ZNF516: variants seen among roughly 807,000 people sequenced by gnomAD.
ZNF516 encodes zinc finger protein 516.
In ZNF516, 19 loss-of-function variants were observed where a neutral mutation model predicts 79.7. The observed-to-expected ratio is 0.24, with a 90% CI of 0.17 to 0.35. The LOEUF (loss-of-function observed/expected upper bound fraction) is 0.35, where lower values mean the gene tolerates loss of function less well. Among genes scored for constraint, ZNF516 ranks in the 10% least tolerant of loss-of-function variants. The pLI is 1.00. For synonymous variants in ZNF516, 877 were observed against 739.5 expected (o/e 1.19, Z -3.02); for missense variants, 1,678 against 1,679.5 (o/e 1.00, Z 0.02).
intron 1 of ZNF516, among the ~76,000 whole-genome samples, chr18:76,463,724 C>T (rs535514891): frequency 7.2e-5 from 11 of 152,352 alleles, no homozygotes; most frequent in African/African-American, 2.6e-4. Flanking sequence ...ATCGGTGTCC[C>T]ACTTATACCT....
At chr18:76,385,129 G>A (rs1007609198) in intron 3 of ZNF516, among the ~76,000 whole-genome samples, 3 of 152,238 alleles carry the variant, frequency 2.0e-5, no homozygotes, top group South Asian at 2.1e-4. Flanking sequence ...GTGCACACGC[G>A]TGCCACAGAC....
At chr18:76,410,541 G>A (rs2075362371) in intron 3 of ZNF516, among the ~76,000 whole-genome samples, 1 of 152,188 alleles carries the variant, frequency 6.6e-6, no homozygotes, top group African/African-American at 2.4e-5. Flanking sequence ...TCCTGCTTCA[G>A]GTACCGAGAC....
Position 76,404,681 on chromosome 18 carries a change from CTG to C in ZNF516, c.1811-24380_1811-24379del, listed in dbSNP as rs887540290. Among the ~76,000 whole-genome samples, 53 of 152,076 alleles carry C rather than the reference CTG, an allele frequency of 3.5e-4. 1 individual carries two copies. Among genetic ancestry groups the C allele is most frequent in the African/African-American group, 1.3e-3 (52 of 41,516 alleles). On this transcript the variant is annotated intron_variant, in intron 3 of 6. Transcript: ENST00000443185. The stretch of plus-strand genomic sequence containing the variant: ...TACATGGGTGAGCGTGAGTTTGTGC[CTG>C]TGAGCATGAGTGTGAGCATGAGCAT...
intron 3 of ZNF516, among the ~76,000 whole-genome samples, chr18:76,410,588 T>C (rs2075362800): frequency 6.6e-6 from 1 of 152,226 alleles, no homozygotes; most frequent in South Asian, 2.1e-4. Flanking sequence ...CAGGTAAAAT[T>C]TGCTTTTGGG....
chr18:76,360,646 A>AAAAAAAAAAAAAAT lies in ZNF516; in HGVS notation c.*1851_*1852insATTTTTTTTTTTTT, dbSNP rs373540251. 1 of 72,464 alleles carries AAAAAAAAAAAAAAT rather than the reference A, an allele frequency of 1.4e-5. No individual in the cohort carries two copies. The allele number at this position is 72,464 out of a possible 1,614,324, so 4.5% of individuals were successfully genotyped here. On this transcript the variant is annotated 3_prime_UTR_variant, in exon 7 of 7. Coordinates refer to ENST00000443185, the MANE Select transcript of ZNF516 (RefSeq NM_014643.4). Reference sequence around the variant, plus strand: ...AAAAAAATAAGTAAAAAAAAAAAAAAATATATATATATATATATATATATA... The same window carrying AAAAAAAAAAAAAAT: ...AAAAAAATAAGTAAAAAAAAAAAAAAAAAAAAAAAAAAATATATATATATATATATATATATATA...
Position 76,493,224 on chromosome 18 carries a change from TTAAATA to T in ZNF516, c.-272+1914_-272+1919del. On this transcript the variant is annotated intron_variant, in intron 1 of 6. Transcript: ENST00000443185. This position sits in a 1 kb window ranked among gnomAD's most constrained non-coding sequence, Gnocchi z 5.2. ...GAGGGAGGCGTCAGACGATATCCAT[TTAAATA>T]TATTTTGTACTTCCACAAAGGATGG... 1.0e-6 allele frequency: 1 copy of T among 966,342 alleles called. No individual in the cohort carries two copies. Among genetic ancestry groups the T allele is most frequent in the Non-Finnish European group, 1.2e-6 (1 of 813,034 alleles). 59.9% of individuals were successfully genotyped at this position (966,342 alleles called of 1,614,324 possible). A position where few individuals can be genotyped will look rare whatever the true frequency, so the allele number is the denominator to read the frequency against.
chr18:76,450,069 G>A (rs1912301575), intron 2 of ZNF516, among the ~76,000 whole-genome samples: 2 of 151,170 alleles, frequency 1.3e-5, no homozygotes, highest in Admixed American at 6.6e-5. Flanking sequence ...ATAGGAGAGT[G>A]GTCTTATTCT....
intron 3 of ZNF516, among the ~76,000 whole-genome samples, chr18:76,401,399 A>G (rs1486353801): frequency 6.6e-6 from 1 of 152,198 alleles, no homozygotes; most frequent in Non-Finnish European, 1.5e-5. Flanking sequence ...TTACAAAATA[A>G]TATCTCTGCA....
At chr18:76,471,023 TG>T (rs779779962) in intron 1 of ZNF516, among the ~76,000 whole-genome samples, 7 of 152,246 alleles carry the variant, frequency 4.6e-5, no homozygotes, top group Non-Finnish European at 4.4e-5. Flanking sequence ...AAGATATTTT[TG>T]TAAGTGGATT....
At chr18:76,437,162 A>T (rs757435796) in intron 3 of ZNF516, among the ~76,000 whole-genome samples, 1 of 151,728 alleles carries the variant, frequency 6.6e-6, no homozygotes, top group East Asian at 1.9e-4. Context: ...AGAAAGAAAG[A>T]AGGACAGTTG....
At chr18:76,380,845 T>A (rs935161636) in intron 3 of ZNF516, among the ~76,000 whole-genome samples, 1 of 152,164 alleles carries the variant, frequency 6.6e-6, no homozygotes, top group African/African-American at 2.4e-5. Context: ...ACCGACCACC[T>A]TCCGCCTCAG....
intron 3 of ZNF516, among the ~76,000 whole-genome samples, chr18:76,392,230 G>A (rs1280956122): frequency 6.6e-6 from 1 of 152,214 alleles, no homozygotes; most frequent in African/African-American, 2.4e-5. Context: ...AGGGAAAGAA[G>A]CATCTTTTGA....
chr18:76,451,594 CGGTT>C lies in ZNF516; in HGVS notation c.-157-8387_-157-8384del, dbSNP rs1912417878. Among the ~76,000 whole-genome samples, 1 of 152,212 alleles carries C rather than the reference CGGTT, an allele frequency of 6.6e-6. No individual in the cohort carries two copies. Among genetic ancestry groups the C allele is most frequent in the Non-Finnish European group, 1.5e-5 (1 of 68,038 alleles). ...GTTTCTGAAGGACGACTCTCAGACACGGTTGGTCCCGGCCACAGCTACTACGGGG... is the reference window on the plus strand; with the variant it reads ...GTTTCTGAAGGACGACTCTCAGACACGGTCCCGGCCACAGCTACTACGGGG... On this transcript the variant is annotated intron_variant, in intron 2 of 6. Transcript: ENST00000443185. This position sits in a 1 kb window ranked among gnomAD's most constrained non-coding sequence, Gnocchi z 6.0.
chr18:76,431,705 C>T (rs766543648), intron 3 of ZNF516, among the ~76,000 whole-genome samples: 1 of 152,182 alleles, frequency 6.6e-6, no homozygotes, highest in Non-Finnish European at 1.5e-5. Flanking sequence ...CTCTTGCTCC[C>T]GCTCTTGCCA....
At chr18:76,452,409 C>G (rs575725682) in intron 2 of ZNF516, among the ~76,000 whole-genome samples, 1 of 152,334 alleles carries the variant, frequency 6.6e-6, no homozygotes, top group East Asian at 1.9e-4. Flanking sequence ...GCATGCTAGT[C>G]CCCAAATGTA....
intron 2 of ZNF516, among the ~76,000 whole-genome samples, chr18:76,450,522 G>C (rs1912341738): frequency 6.6e-6 from 1 of 152,180 alleles, no homozygotes; most frequent in African/African-American, 2.4e-5. Flanking sequence ...ATCGCTTTCT[G>C]ATGTTTTAGA....
intron 1 of ZNF516, among the ~76,000 whole-genome samples, chr18:76,471,117 G>T (rs953019941): frequency 2.6e-5 from 4 of 151,960 alleles, no homozygotes; most frequent in Non-Finnish European, 5.9e-5. Context: ...AATCTGTTGG[G>T]CAGAAGAAAC....
intron 1 of ZNF516, chr18:76,490,894 C>G: frequency 2.0e-6 from 2 of 985,528 alleles, no homozygotes; most frequent in Non-Finnish European, 2.4e-6. Context: ...TGGGCTTTTC[C>G]AGGCAGTCCA....
intron 1 of ZNF516, among the ~76,000 whole-genome samples, chr18:76,478,874 G>A (rs1914328723): frequency 1.3e-5 from 2 of 152,036 alleles, no homozygotes. Flanking sequence ...TGGCCAACAT[G>A]GCAAAACCCC....
Sources: allele counts gnomAD v4.1 joint callset (sites outside exome capture counted in the v4.1 genomes callset), GRCh38; gene constraint gnomAD v4.1.1; non-coding constraint Gnocchi (gnomAD v3.1); transcripts MANE v1.5; gene names NCBI Gene and HGNC (gene_info 2026-07-23, HGNC 2026-07-21).